CPEB2: variants seen among roughly 807,000 people sequenced by gnomAD.
The protein encoded by CPEB2 is cytoplasmic polyadenylation element-binding protein 2.
A neutral mutation model predicts 93.6 loss-of-function variants in CPEB2; 56 were observed. The observed-to-expected ratio is 0.60, with a 90% CI of 0.48 to 0.75. CPEB2 has a LOEUF of 0.75. Ranked by LOEUF, CPEB2 falls within the 30% of genes least tolerant of loss-of-function variation. The pLI is 0.00. For synonymous variants in CPEB2, 764 were observed against 586.3 expected (o/e 1.30, Z -4.38); for missense variants, 1,579 against 1,395.1 (o/e 1.13, Z -2.10).
At chr4:15,015,128 G>C (rs1182580398) in intron 3 of CPEB2, among the ~76,000 whole-genome samples, 1 of 152,054 alleles carries the variant, frequency 6.6e-6, no homozygotes, top group African/African-American at 2.4e-5. Context: ...AGCAGAATCA[G>C]TATCACCTGG....
At position 15,070,116 on chromosome 4, in the gene CPEB2, T is replaced by C. The variant is rs1729979143; in HGVS notation, c.*3736T>C. 6.6e-6 allele frequency: 1 copy of C among 152,304 alleles called. No individual in the cohort carries two copies. Among genetic ancestry groups the C allele is most frequent in the Non-Finnish European group, 1.5e-5 (1 of 67,860 alleles). The allele number at this position is 152,304 out of a possible 1,614,324, so 9.4% of individuals were successfully genotyped here. ...AAGTAATTTTTAAATATTTGTAATA[T>C]TGTTGACTGACTAATAAACTATTAA... On this transcript the variant is annotated 3_prime_UTR_variant, in exon 12 of 12. Transcript: ENST00000538197.
rs538678408 is a variant in CPEB2 at position 15,024,721 on chromosome 4, T to A, written c.2125+7443T>A. Among the ~76,000 whole-genome samples the A allele has an allele frequency of 4.7e-5, 7 of 150,448 alleles. No homozygotes were observed. In the East Asian group the frequency reaches 1.2e-3, roughly 25 times the overall value. On this transcript the variant is annotated intron_variant, in intron 4 of 11. Coordinates refer to ENST00000538197, the MANE Select transcript of CPEB2 (RefSeq NM_001177382.2). ...ATTTATATCTTCAGTTCTTGGAATTTTGGGATATTATTTCTTTGATAATTT... is the reference window on the plus strand; with the variant it reads ...ATTTATATCTTCAGTTCTTGGAATTATGGGATATTATTTCTTTGATAATTT...
At position 15,004,169 on chromosome 4, in the gene CPEB2, C is replaced by T. The variant is rs1313695616; in HGVS notation, c.1496C>T (p.Pro499Leu). Residue 499 changes from proline (P) to leucine (L), a missense_variant, in exon 1 of 12, where the codon CCT becomes CTT. Pro to Leu is a moderately conservative substitution (Grantham distance 98). Around this residue, in one of 2 missense-constraint regions of CPEB2, gnomAD observed 1,411 missense variants for 1,056.0 expected, o/e 1.34. Transcript: ENST00000538197. ...GGPFSATAVPPPPPPAMNIPQ... is the reference protein window; with the variant it reads ...GGPFSATAVPLPPPPAMNIPQ... ...CCCTTCTCGGCTACCGCTGTGCCCC[C>T]TCCGCCGCCGCCCGCCATGAATATA... 6.9e-7 allele frequency: 1 copy of T among 1,448,474 alleles called. No individual in the cohort carries two copies. Among genetic ancestry groups the T allele is most frequent in the Non-Finnish European group, 9.0e-7 (1 of 1,110,106 alleles). 89.7% of individuals were successfully genotyped at this position (1,448,474 alleles called of 1,614,324 possible). A position where few individuals can be genotyped will look rare whatever the true frequency, so the allele number is the denominator to read the frequency against.
chr4:15,067,887 TTTGC>T lies in CPEB2; in HGVS notation c.*1512_*1515del, dbSNP rs1413987962. ...TTCATGAAGGAATTTTGGTAATGAC[TTTGC>T]TTGCAGGTTTTTTGGGGTGTTTTGA... On this transcript the variant is annotated 3_prime_UTR_variant, in exon 12 of 12. Transcript: ENST00000538197. 4 of 152,352 alleles carry T rather than the reference TTTGC, an allele frequency of 2.6e-5. No homozygotes were observed. The highest frequency in any genetic ancestry group is 7.2e-5 in the African/African-American group (3 of 41,404). 9.4% of individuals were successfully genotyped at this position (152,352 alleles called of 1,614,324 possible).
At chr4:15,014,667 C>CT (rs766788529) in intron 3 of CPEB2, among the ~76,000 whole-genome samples, 153 of 151,132 alleles carry the variant, frequency 1.0e-3, no homozygotes, top group Non-Finnish European at 1.7e-3. Flanking sequence ...CAGAACTCGA[C>CT]TTTTTTTTTA....
intron 1 of CPEB2, among the ~76,000 whole-genome samples, chr4:15,006,224 TAA>T (rs1722797878): frequency 6.6e-6 from 1 of 152,216 alleles, no homozygotes; most frequent in Non-Finnish European, 1.5e-5. Context: ...TGTTAGCATT[TAA>T]AAGTGTTTAA....
rs1002578725 is a variant in CPEB2 at position 15,069,988 on chromosome 4, G to C, written c.*3608G>C. On this transcript the variant is annotated 3_prime_UTR_variant, in exon 12 of 12. Coordinates refer to ENST00000538197, the MANE Select transcript of CPEB2 (RefSeq NM_001177382.2). ...CTTAAATTTTTCGTTAAATATTTTA[G>C]TTTATTTTATTGTTATCTTCCAGGT... 4.0e-5 allele frequency: 6 copies of C among 151,870 alleles called. No homozygotes were observed. The highest frequency in any genetic ancestry group is 1.5e-4 in the African/African-American group (6 of 41,318). The allele number at this position is 151,870 out of a possible 1,614,324, so 9.4% of individuals were successfully genotyped here. A position where few individuals can be genotyped will look rare whatever the true frequency, so the allele number is the denominator to read the frequency against.
At chr4:15,031,803 T>A (rs1306326743) in intron 4 of CPEB2, among the ~76,000 whole-genome samples, 1 of 152,198 alleles carries the variant, frequency 6.6e-6, no homozygotes, top group Non-Finnish European at 1.5e-5. Context: ...TGCCACTTAC[T>A]CTTGCATTAG....
At chr4:15,039,685 A>G (rs978886501) in intron 5 of CPEB2, among the ~76,000 whole-genome samples, 4 of 151,994 alleles carry the variant, frequency 2.6e-5, no homozygotes, top group African/African-American at 9.7e-5. Context: ...CATAGGAATT[A>G]TGTCACTGCA....
chr4:15,025,410 A>G (rs1577399145), intron 4 of CPEB2, among the ~76,000 whole-genome samples: 1 of 152,074 alleles, frequency 6.6e-6, no homozygotes, highest in East Asian at 1.9e-4. Flanking sequence ...TGGGGGCTTC[A>G]TCTTTTACTG....
rs1342496857 is a variant in CPEB2, at chr4:15,067,174, G to A, written c.*794G>A. 1 of 152,464 alleles carries A rather than the reference G, an allele frequency of 6.6e-6. No homozygotes were observed. The highest frequency in any genetic ancestry group is 1.5e-5 in the Non-Finnish European group (1 of 67,972). 9.4% of individuals were successfully genotyped at this position (152,464 alleles called of 1,614,324 possible). On this transcript the variant is annotated 3_prime_UTR_variant, in exon 12 of 12. Coordinates refer to ENST00000538197, the MANE Select transcript of CPEB2 (RefSeq NM_001177382.2). ...CACTAGAATTATTAACTAACGAGGT[G>A]AGGTATTGCAAATGTTCAAAAAAGC...
At chr4:15,005,528 T>C (rs780358376) in intron 1 of CPEB2, among the ~76,000 whole-genome samples, 2 of 152,226 alleles carry the variant, frequency 1.3e-5, no homozygotes, top group Non-Finnish European at 2.9e-5. Flanking sequence ...TGGTTTTGAA[T>C]CTTGTTAGCA....
chr4:15,057,550 C>G (rs1728830188), intron 8 of CPEB2, among the ~76,000 whole-genome samples: 1 of 152,078 alleles, frequency 6.6e-6, no homozygotes, highest in Non-Finnish European at 1.5e-5. Context: ...ATGGATAGAT[C>G]ATTTATAGCT....
intron 4 of CPEB2, among the ~76,000 whole-genome samples, chr4:15,029,917 C>T (rs560285064): frequency 6.6e-6 from 1 of 152,172 alleles, no homozygotes; most frequent in South Asian, 2.1e-4. Flanking sequence ...TTGCACGTAC[C>T]ACTTTCACTT....
chr4:15,047,173 A>T (rs563359066), intron 6 of CPEB2, among the ~76,000 whole-genome samples: 1 of 152,246 alleles, frequency 6.6e-6, no homozygotes, highest in Admixed American at 6.5e-5. Context: ...ACTATAGCTA[A>T]CTAGTGAGTC....
chr4:15,052,017 T>A (rs1728276670), intron 6 of CPEB2, among the ~76,000 whole-genome samples: 2 of 152,208 alleles, frequency 1.3e-5, no homozygotes, highest in East Asian at 1.9e-4. Flanking sequence ...TGATTTTTTA[T>A]AAATTATATC....
rs760886100 is a variant in CPEB2, at chr4:15,052,520, A to G, written c.2307A>G (p.Gly769=). ...SPTCYSAHQN[G]ERIERFSRKV... The stretch of plus-strand genomic sequence containing the variant: ...CCTGTTATTCAGCTCACCAAAATGG[A>G]GAGCGAATAGAACGCTTCTCTCGAA... Residue 769 remains glycine, a synonymous_variant, in exon 7 of 12, where the codon GGA becomes GGG. Transcript: ENST00000538197. The G allele has an allele frequency of 2.7e-5, 43 of 1,596,622 alleles. No homozygotes were observed. The highest frequency in any genetic ancestry group is 3.7e-5 in the Non-Finnish European group (43 of 1,168,792).
At chr4:15,019,272 A>G (rs894140563) in intron 4 of CPEB2, among the ~76,000 whole-genome samples, 9 of 151,836 alleles carry the variant, frequency 5.9e-5, no homozygotes, top group Non-Finnish European at 1.2e-4. Context: ...TCATATCCCT[A>G]TTTAAAATTA....
At chr4:15,029,979 G>C (rs1333677491) in intron 4 of CPEB2, among the ~76,000 whole-genome samples, 2 of 152,042 alleles carry the variant, frequency 1.3e-5, no homozygotes, top group African/African-American at 4.8e-5. Flanking sequence ...CCTACAAGAA[G>C]GCTGGGCTAT....
Sources: allele counts gnomAD v4.1 joint callset (sites outside exome capture counted in the v4.1 genomes callset), GRCh38; gene constraint gnomAD v4.1.1; regional missense constraint gnomAD v4.1.1; transcripts MANE v1.5; gene names NCBI Gene and HGNC (gene_info 2026-07-23, HGNC 2026-07-21).